VSIG10: variants seen among roughly 807,000 people sequenced by gnomAD.
VSIG10 encodes V-set and immunoglobulin domain containing 10.
In VSIG10, 48 loss-of-function variants were observed where a neutral mutation model predicts 58.7. That is an observed-to-expected ratio of 0.82 (90% CI 0.65 to 1.04). VSIG10 has a LOEUF of 1.04. Among genes scored for constraint, VSIG10 ranks in the 50% least tolerant of loss-of-function variants. The pLI, the probability that VSIG10 is intolerant of heterozygous loss-of-function variation, is 0.00. For missense variants in VSIG10, 628 were observed against 670.0 expected, an observed-to-expected ratio of 0.94 and a Z score of 0.69; for synonymous variants, 260 against 267.1, an observed-to-expected ratio of 0.97 and a Z score of 0.26.
chr12:118,068,334 T>C (rs755060964), intron 8 of VSIG10, 43 bp downstream of exon 8: 94 of 1,599,286 alleles, frequency 5.9e-5, no homozygotes, highest in Non-Finnish European at 7.9e-5. Flanking sequence ...CGCGCCTTTT[T>C]TTGTTTGTTT....
chr12:118,070,889 AG>A, intron 7 of VSIG10, 162 bp downstream of exon 7: 1 of 817,776 alleles, frequency 1.2e-6, no homozygotes, highest in South Asian at 1.6e-5. Context: ...AGATGATGAA[AG>A]GGTTTATAAG....
Position 118,082,229 on chromosome 12 carries a change from G to C in VSIG10, c.562C>G (p.Leu188Val). Residue 188 changes from leucine (L) to valine (V), a missense_variant, in exon 3 of 9, where the codon CTG becomes GTG. Coordinates refer to ENST00000359236, the MANE Select transcript of VSIG10 (RefSeq NM_019086.6). ...GHNLTVNFFS[L>V]LLISPNLQGN... ...TGGAGGTTTGGCGATATCAGTAACA[G>C]TGAGAAAAAGTTGACTGTCAGGTTG... 1.2e-6 allele frequency: 2 copies of C among 1,613,970 alleles called. No homozygotes were observed. The highest frequency in any genetic ancestry group is 1.7e-6 in the Non-Finnish European group (2 of 1,179,890).
chr12:118,096,991 A>G (rs2033480275), intron 1 of VSIG10, among the ~76,000 whole-genome samples: 1 of 152,140 alleles, frequency 6.6e-6, no homozygotes, highest in South Asian at 2.1e-4. Context: ...GTGAGCCGAG[A>G]TTGCGCCACT....
At chr12:118,087,735 C>T (rs898373504) in intron 2 of VSIG10, among the ~76,000 whole-genome samples, 1 of 146,008 alleles carries the variant, frequency 6.8e-6, no homozygotes, top group Non-Finnish European at 1.5e-5. Flanking sequence ...CTACTCAGGA[C>T]GGTGAGATAA....
intron 2 of VSIG10, among the ~76,000 whole-genome samples, chr12:118,090,454 A>T (rs566965822): frequency 6.6e-6 from 1 of 152,178 alleles, no homozygotes; most frequent in Non-Finnish European, 1.5e-5. Context: ...ACTTCCACAT[A>T]TCTTTTTGGG....
chr12:118,068,399 T>C lies in VSIG10; in HGVS notation c.1545A>G (p.Gly515=). 6.2e-7 allele frequency: 1 copy of C among 1,613,534 alleles called. No individual in the cohort carries two copies. The highest frequency in any genetic ancestry group is 8.5e-7 in the Non-Finnish European group (1 of 1,179,756). ...ALVNGNIEQM[G]NGFQDLQDDS... ...TACCTTGAAGATCCTGGAATCCATT[T>C]CCCATCTGTTCTATGTTCCCATTCA... is the stretch of plus-strand genomic sequence containing the variant. Residue 515 remains glycine (G), a synonymous_variant, in exon 8 of 9, where the codon GGA becomes GGG. Transcript: ENST00000359236.
chr12:118,090,451 CAT>C (rs1224172215), intron 2 of VSIG10, among the ~76,000 whole-genome samples: 3 of 152,198 alleles, frequency 2.0e-5, no homozygotes, highest in Non-Finnish European at 1.5e-5. Flanking sequence ...AGGACTTCCA[CAT>C]ATCTTTTTGG....
rs1485066345 is a variant in VSIG10, at chr12:118,096,667, G to A, written c.80-853C>T. Among the ~76,000 whole-genome samples, 3 of 150,902 alleles carry A rather than the reference G, an allele frequency of 2.0e-5. 1 individual carries two copies. Among genetic ancestry groups the A allele is most frequent in the Non-Finnish European group, 4.4e-5 (3 of 67,750 alleles). ...AGGCAGGAGAATCACTTGATCCGCC[G>A]GCCTCGGCCTCCCAAAGTGCTGGGA... is the stretch of plus-strand genomic sequence containing the variant. On this transcript the variant is annotated intron_variant, in intron 1 of 8. Coordinates refer to ENST00000359236, the MANE Select transcript of VSIG10 (RefSeq NM_019086.6).
In VSIG10 at chr12:118,070,578, GA is replaced by G. The variant is rs555859282; in HGVS notation, c.1346+473del. 1.3e-4 allele frequency among the ~76,000 whole-genome samples: 19 copies of G among 147,232 alleles called. No individual in the cohort carries two copies. In the South Asian group the frequency reaches 4.1e-3, roughly 32 times the overall value. ...AAAAAAAAAAAAGAAAAAAGAAAAA[GA>G]AAAAAAAACTTAAGACTATGACTGA... On this transcript the variant is annotated intron_variant, in intron 7 of 8. Transcript: ENST00000359236.
intron 3 of VSIG10, among the ~76,000 whole-genome samples, chr12:118,081,841 A>AC (rs1253750775): frequency 1.3e-5 from 2 of 152,004 alleles, no homozygotes; most frequent in African/African-American, 4.8e-5. Context: ...ACATGGAGAA[A>AC]CCCCGTCTCT....
At chr12:118,092,622 A>G (rs935876914) in intron 2 of VSIG10, among the ~76,000 whole-genome samples, 6 of 146,494 alleles carry the variant, frequency 4.1e-5, no homozygotes, top group Admixed American at 1.5e-4. Context: ...ATTTCATTTC[A>G]TATGATTTTC....
chr12:118,077,218 T>C (rs772852675), intron 4 of VSIG10, among the ~76,000 whole-genome samples: 3 of 152,138 alleles, frequency 2.0e-5, no homozygotes, highest in Non-Finnish European at 4.4e-5. Context: ...GCCAAGTTTG[T>C]TTCCACCTCA....
At position 118,071,042 on chromosome 12, in the gene VSIG10, G is replaced by A. The variant is rs1385894708; in HGVS notation, c.1346+10C>T. The A allele has an allele frequency of 1.9e-6, 3 of 1,601,488 alleles. No homozygotes were observed. Among genetic ancestry groups the A allele is most frequent in the Non-Finnish European group, 2.6e-6 (3 of 1,173,676 alleles). ...AATGGGTGTTTGGTTTGATTCTAGG[G>A]AACACTCACCTGGAAGTGTTTCCTA... On this transcript the variant is annotated intron_variant, in intron 7 of 8. Transcript: ENST00000359236.
Position 118,095,634 on chromosome 12 carries a change from G to T in VSIG10, c.260C>A (p.Ser87Tyr), listed in dbSNP as rs759939581. The T allele has an allele frequency of 3.1e-6, 5 of 1,613,832 alleles. No individual in the cohort carries two copies. The highest frequency in any genetic ancestry group is 4.2e-6 in the Non-Finnish European group (5 of 1,179,902). Residue 87 changes from serine to tyrosine, a missense_variant, in exon 2 of 9, where the codon TCC becomes TAC. Transcript: ENST00000359236. ...EPRFSLVDAT[S>Y]LHIESLSLGD... is the part of the protein sequence containing the mutation. ...CAGGCTCAGCGATTCAATGTGCAGG[G>T]AGGTGGCATCCACTAGAGAGAAGCG...
intron 2 of VSIG10, among the ~76,000 whole-genome samples, chr12:118,084,774 G>A (rs928673883): frequency 1.3e-5 from 2 of 152,174 alleles, no homozygotes; most frequent in African/African-American, 4.8e-5. Context: ...AGCTACTCAG[G>A]AGGCTGAAGC....
At chr12:118,076,746 C>T (rs1275295867) in intron 4 of VSIG10, among the ~76,000 whole-genome samples, 1 of 152,080 alleles carries the variant, frequency 6.6e-6, no homozygotes, top group African/African-American at 2.4e-5. Flanking sequence ...GCCTCAACCT[C>T]CTAGGTACAA....
rs557437304 is a variant in VSIG10 at position 118,065,663 on chromosome 12, G to T, written c.*976C>A. On this transcript the variant is annotated 3_prime_UTR_variant, in exon 9 of 9. Coordinates refer to ENST00000359236, the MANE Select transcript of VSIG10 (RefSeq NM_019086.6). ...TAGAGCAGATACGCAACTTTAAAGA[G>T]TACAAATTCAAGTCAGATTTTCATA... 1 of 152,222 alleles carries T rather than the reference G, an allele frequency of 6.6e-6. No homozygotes were observed. 9.4% of individuals were successfully genotyped at this position (152,222 alleles called of 1,614,324 possible). A position where few individuals can be genotyped will look rare whatever the true frequency, so the allele number is the denominator to read the frequency against.
chr12:118,095,914 G>A, intron 1 of VSIG10, 100 bp from the exon 2 acceptor site: 8 of 1,074,044 alleles, frequency 7.4e-6, no homozygotes, highest in Non-Finnish European at 1.0e-5. Context: ...TAAAAATCAG[G>A]TATATGTTCT....
chr12:118,087,077 G>C (rs1258217450), intron 2 of VSIG10, among the ~76,000 whole-genome samples: 1 of 104,096 alleles, frequency 9.6e-6, no homozygotes, highest in Non-Finnish European at 2.1e-5. Context: ...TTTAAAAATT[G>C]AAAAAAAAAA....
Sources: allele counts gnomAD v4.1 joint callset (sites outside exome capture counted in the v4.1 genomes callset), GRCh38; gene constraint gnomAD v4.1.1; transcripts MANE v1.5; gene names NCBI Gene and HGNC (gene_info 2026-07-23, HGNC 2026-07-21).